RIT2: variants seen among roughly 807,000 people sequenced by gnomAD.
RIT2 encodes GTP-binding protein Rit2.
A neutral mutation model predicts 23.7 loss-of-function variants in RIT2; 24 were observed. The observed-to-expected ratio is 1.01, with a 90% confidence interval of 0.73 to 1.43. The LOEUF (loss-of-function observed/expected upper bound fraction) is 1.43, where lower values mean the gene tolerates loss of function less well. Among genes scored for constraint, RIT2 ranks in the 40% most tolerant of loss-of-function variants. RIT2 has a pLI of 0.00. For missense variants in RIT2, 236 were observed against 266.9 expected, an observed-to-expected ratio of 0.88 and a Z score of 0.81; for synonymous variants, 107 against 91.1, an observed-to-expected ratio of 1.17 and a Z score of -0.99.
chr18:43,114,463 A>G (rs1914022240), intron 1 of RIT2, among the ~76,000 whole-genome samples: 1 of 152,054 alleles, frequency 6.6e-6, no homozygotes, highest in Non-Finnish European at 1.5e-5. Context: ...TTTTGTCAAC[A>G]CTAAAACTAC....
intron 3 of RIT2, among the ~76,000 whole-genome samples, chr18:42,927,398 G>A (rs1433909116): frequency 1.5e-5 from 2 of 134,088 alleles, no homozygotes; most frequent in African/African-American, 5.0e-5. Flanking sequence ...GTGTGTGTGT[G>A]TGTGTGTATG....
intron 2 of RIT2, among the ~76,000 whole-genome samples, chr18:43,027,043 A>G (rs1346288995): frequency 6.6e-6 from 1 of 152,130 alleles, no homozygotes; most frequent in East Asian, 1.9e-4. Context: ...CAAGTGAAAA[A>G]AGTGGATGAA....
chr18:42,956,944 G>T (rs1297696244), intron 3 of RIT2, among the ~76,000 whole-genome samples: 1 of 152,096 alleles, frequency 6.6e-6, no homozygotes, highest in East Asian at 1.9e-4. Flanking sequence ...TGTAATACAG[G>T]GAAGCCAAGG....
chr18:42,795,509 C>T (rs977323784), intron 4 of RIT2, among the ~76,000 whole-genome samples: 1 of 152,362 alleles, frequency 6.6e-6, no homozygotes, highest in East Asian at 1.9e-4. Context: ...ATGCTTGAGC[C>T]TCCCACCCCC....
At chr18:42,919,883 G>C (rs1909010445) in intron 4 of RIT2, among the ~76,000 whole-genome samples, 1 of 152,126 alleles carries the variant, frequency 6.6e-6, no homozygotes, top group Non-Finnish European at 1.5e-5. Flanking sequence ...TGGGAAGACA[G>C]AAGCCTGCAT....
chr18:43,066,018 G>A (rs1020658677), intron 1 of RIT2, among the ~76,000 whole-genome samples: 1 of 152,060 alleles, frequency 6.6e-6, no homozygotes, highest in Admixed American at 6.6e-5. Flanking sequence ...TTAATTTATA[G>A]CATTATTTCT....
intron 4 of RIT2, among the ~76,000 whole-genome samples, chr18:42,830,904 T>C (rs532669155): frequency 1.3e-5 from 2 of 152,342 alleles, no homozygotes; most frequent in South Asian, 4.1e-4. Flanking sequence ...TCACCAATTT[T>C]ACTTTTGTCC....
At chr18:42,901,767 G>A (rs1321106269) in intron 4 of RIT2, among the ~76,000 whole-genome samples, 1 of 151,986 alleles carries the variant, frequency 6.6e-6, no homozygotes, top group Admixed American at 6.6e-5. Context: ...GAATATACAA[G>A]TTTATTGGCG....
intron 4 of RIT2, chr18:42,920,614 T>C (rs1208955392): frequency 3.3e-6 from 3 of 912,322 alleles, no homozygotes; most frequent in Non-Finnish European, 5.1e-6. Flanking sequence ...TCGTTGTCTT[T>C]TTGTTTTTTT....
chr18:42,945,156 C>T (rs999001409), intron 3 of RIT2, among the ~76,000 whole-genome samples: 5 of 151,938 alleles, frequency 3.3e-5, no homozygotes, highest in Non-Finnish European at 5.9e-5. Flanking sequence ...ATTTTATTCT[C>T]AAATATAATT....
chr18:42,979,173 G>T (rs1318112601), intron 2 of RIT2, among the ~76,000 whole-genome samples: 1 of 151,750 alleles, frequency 6.6e-6, no homozygotes, highest in African/African-American at 2.4e-5. Context: ...AAAGTGTAAG[G>T]TATTCTGGAT....
At chr18:43,042,229 C>T (rs879478455) in intron 1 of RIT2, among the ~76,000 whole-genome samples, 7 of 152,056 alleles carry the variant, frequency 4.6e-5, no homozygotes, top group Admixed American at 1.3e-4. Context: ...TTAATTTTCT[C>T]GTCTGAAAAA....
chr18:43,063,646 T>A (rs1912704186), intron 1 of RIT2, among the ~76,000 whole-genome samples: 1 of 152,166 alleles, frequency 6.6e-6, no homozygotes, highest in Admixed American at 6.6e-5. Flanking sequence ...TTCTTTTATT[T>A]AGGGTACAGA....
At chr18:42,898,801 A>G (rs146278152) in intron 4 of RIT2, among the ~76,000 whole-genome samples, 105 of 152,292 alleles carry the variant, frequency 6.9e-4, no homozygotes, top group African/African-American at 2.5e-3. Context: ...AGTATGACCA[A>G]TTAGTTTGCA....
intron 4 of RIT2, among the ~76,000 whole-genome samples, chr18:42,778,664 TACCCACCACATGATGCCTGTA>T (rs1913736365): frequency 6.9e-6 from 1 of 144,018 alleles, no homozygotes; most frequent in Non-Finnish European, 1.5e-5. Context: ...CCAGCTCTAT[TACCCACCACATGATGCCTGTA>T]TCCTTTCTCG....
chr18:42,951,203 T>G (rs112478848), intron 3 of RIT2, among the ~76,000 whole-genome samples: 2 of 151,894 alleles, frequency 1.3e-5, no homozygotes, highest in Admixed American at 6.6e-5. Context: ...ATAAAGAAAA[T>G]GTAGAAAATG....
intron 3 of RIT2, among the ~76,000 whole-genome samples, chr18:42,965,680 TATG>T (rs1379498684): frequency 1.5e-5 from 2 of 136,224 alleles, no homozygotes; most frequent in African/African-American, 5.4e-5. Flanking sequence ...AATATAAAAA[TATG>T]GTGGTAAACA....
At chr18:43,103,184 T>C (rs1297630098) in intron 1 of RIT2, among the ~76,000 whole-genome samples, 1 of 152,164 alleles carries the variant, frequency 6.6e-6, no homozygotes, top group African/African-American at 2.4e-5. Flanking sequence ...GGTACCAGTT[T>C]CTTTCTCTAT....
chr18:43,008,575 A>T lies in RIT2; in HGVS notation c.160+25236T>A, dbSNP rs1392881037. On this transcript the variant is annotated intron_variant, in intron 2 of 4. Coordinates refer to ENST00000326695, the MANE Select transcript of RIT2 (RefSeq NM_002930.4). ...CATTACTTTATGTTATCTTCAATAAACAGCAATAAAAAGTAAAAAAAAAAT... is the reference window on the plus strand; with the variant it reads ...CATTACTTTATGTTATCTTCAATAATCAGCAATAAAAAGTAAAAAAAAAAT... Among the ~76,000 whole-genome samples the T allele has an allele frequency of 4.6e-5, 7 of 151,424 alleles. No individual in the cohort carries two copies. The East Asian group carries it at 1.4e-3, about 29-fold the overall frequency.
Sources: allele counts gnomAD v4.1 joint callset (sites outside exome capture counted in the v4.1 genomes callset), GRCh38; gene constraint gnomAD v4.1.1; transcripts MANE v1.5; gene names NCBI Gene and HGNC (gene_info 2026-07-23, HGNC 2026-07-21).